Variants in CPVL observed in about 807,000 individuals in gnomAD.
The protein encoded by CPVL is carboxypeptidase vitellogenic like, also known as probable serine carboxypeptidase CPVL.
CPVL carries 51 observed loss-of-function variants against 63.7 expected under a neutral mutation model. The observed-to-expected ratio is 0.80, with a 90% confidence interval of 0.64 to 1.01. The LOEUF is 1.01. Ranked by LOEUF, CPVL falls within the 50% of genes least tolerant of loss-of-function variation. CPVL has a pLI of 0.00. For synonymous variants in CPVL, 195 were observed against 206.0 expected (o/e 0.95, Z 0.46); for missense variants, 530 against 573.1 (o/e 0.92, Z 0.77).
intron 12 of CPVL, among the ~76,000 whole-genome samples, chr7:29,006,960 G>A (rs1467146676): frequency 6.6e-6 from 1 of 151,954 alleles, no homozygotes; most frequent in African/African-American, 2.4e-5. Context: ...GTGAGTCTTT[G>A]GTTACACTTC....
chr7:29,078,318 C>T (rs930522398), intron 7 of CPVL, among the ~76,000 whole-genome samples: 1 of 152,126 alleles, frequency 6.6e-6, no homozygotes, highest in Non-Finnish European at 1.5e-5. Context: ...AGAAGATACT[C>T]CTTAAAAAAG....
In CPVL at chr7:29,112,719, C is replaced by T. The variant is rs1788373431; in HGVS notation, c.273G>A (p.Trp91Ter). 6.2e-7 allele frequency: 1 copy of T among 1,611,790 alleles called. No individual in the cohort carries two copies. The highest frequency in any genetic ancestry group is 8.5e-7 in the Non-Finnish European group (1 of 1,178,508). The change falls in exon 3 of 13, where the codon TGG (tryptophan) becomes TGA (stop). Residue 91 changes from tryptophan (W) to a stop codon, truncating the protein, a stop_gained. Transcript: ENST00000265394. LOFTEE classifies it high-confidence loss of function. Reference sequence around the variant, plus strand: ...GGGCACCTACCTGAGCTGGGAAGAACCAGAAGAAGAGGTTGCTGTTGTAAG... The same window carrying T: ...GGGCACCTACCTGAGCTGGGAAGAATCAGAAGAAGAGGTTGCTGTTGTAAG... Reference protein sequence around the residue: ...NKTYNSNLFFWFFPAQIQPED... With the variant: ...NKTYNSNLFF
intron 7 of CPVL, among the ~76,000 whole-genome samples, chr7:29,084,765 C>T (rs1275893528): frequency 6.6e-6 from 1 of 152,142 alleles, no homozygotes; most frequent in East Asian, 1.9e-4. Context: ...ATTCTTTTAA[C>T]TTTTAAACAC....
At chr7:29,016,491 C>T (rs1786426165) in intron 12 of CPVL, among the ~76,000 whole-genome samples, 1 of 152,166 alleles carries the variant, frequency 6.6e-6, no homozygotes, top group African/African-American at 2.4e-5. Context: ...CTTTCCAGAA[C>T]AGTCAAGCTT....
chr7:29,136,280 A>G (rs1791217312), intron 1 of CPVL, among the ~76,000 whole-genome samples: 1 of 152,248 alleles, frequency 6.6e-6, no homozygotes, highest in South Asian at 2.1e-4. Flanking sequence ...AGAAAATAGA[A>G]CAATCCAAAG....
rs1020987464 is a variant in CPVL, at chr7:29,049,270, T to C, written c.1137+14791A>G. ...AAAGATAAATAAAATTGATAGACCATTAGCAAGATTAACAAGAAGAGAGAA... is the reference window on the plus strand; with the variant it reads ...AAAGATAAATAAAATTGATAGACCACTAGCAAGATTAACAAGAAGAGAGAA... On this transcript the variant is annotated intron_variant, in intron 11 of 12. Coordinates refer to ENST00000265394, the MANE Select transcript of CPVL (RefSeq NM_031311.5). Among the ~76,000 whole-genome samples, 5 of 151,906 alleles carry C rather than the reference T, an allele frequency of 3.3e-5. No individual in the cohort carries two copies. In the South Asian group the frequency reaches 6.2e-4, roughly 19 times the overall value.
intron 11 of CPVL, among the ~76,000 whole-genome samples, chr7:29,063,644 C>A (rs1193730898): frequency 1.3e-5 from 2 of 152,110 alleles, no homozygotes; most frequent in Non-Finnish European, 2.9e-5. Context: ...GATCTTGGCT[C>A]ACTGCAACCT....
intron 5 of CPVL, among the ~76,000 whole-genome samples, chr7:29,093,456 T>TTCTTCC (rs2128607282): frequency 6.6e-6 from 1 of 152,216 alleles, no homozygotes; most frequent in Admixed American, 6.5e-5. Flanking sequence ...CCTCTTCTTC[T>TTCTTCC]TCTTCCTCCT....
At chr7:29,176,444 G>A (rs1274881632) in intron 5 of CPVL, among the ~76,000 whole-genome samples, 2 of 152,118 alleles carry the variant, frequency 1.3e-5, no homozygotes, top group African/African-American at 4.8e-5. Flanking sequence ...AGAACACAAT[G>A]GGTATGTCTT....
rs534795490 is a variant in CPVL at position 29,098,496 on chromosome 7, G to A, written c.289-2279C>T. Among the ~76,000 whole-genome samples the A allele has an allele frequency of 2.0e-4, 31 of 152,274 alleles. 1 individual carries two copies. The highest frequency in any genetic ancestry group is 1.2e-3 in the East Asian group (6 of 5,176). On this transcript the variant is annotated intron_variant, in intron 3 of 12. Transcript: ENST00000265394. Reference sequence around the variant, plus strand: ...TTAAGCAACATAATTAAAGCCCTTCGAACAATGCCTAATGTATGATAAAAG... The same window carrying A: ...TTAAGCAACATAATTAAAGCCCTTCAAACAATGCCTAATGTATGATAAAAG...
chr7:29,178,141 A>G lies in CPVL; in HGVS notation c.-11+3149T>C, dbSNP rs199515919. On this transcript the variant is annotated intron_variant, in intron 5 of 16. Coordinates refer to the CPVL transcript ENST00000409850. ...TCCACTGCTACTATCCTCTGTCCAC[A>G]CCATCAGCCTTTCTTTGAAACCACT... is the stretch of plus-strand genomic sequence containing the variant. 6.6e-5 allele frequency among the ~76,000 whole-genome samples: 10 copies of G among 152,190 alleles called. No individual in the cohort carries two copies. In the East Asian group the frequency reaches 1.9e-3, roughly 29 times the overall value.
intron 3 of CPVL, chr7:29,096,460 A>G (rs1441578134): frequency 1.5e-5 from 8 of 535,008 alleles, no homozygotes; most frequent in Admixed American, 6.1e-5. Flanking sequence ...TCTTTTCCCA[A>G]CAAGAGACAG....
intron 3 of CPVL, among the ~76,000 whole-genome samples, chr7:29,108,176 T>C (rs1180328325): frequency 1.3e-5 from 2 of 152,190 alleles, no homozygotes; most frequent in Non-Finnish European, 2.9e-5. Context: ...AATCTGGGCC[T>C]TTCCTCTTGG....
chr7:29,079,999 T>C (rs145045355), intron 7 of CPVL, among the ~76,000 whole-genome samples: 265 of 152,126 alleles, frequency 1.7e-3, no homozygotes, highest in African/African-American at 6.0e-3. Context: ...ATAGAAGCTG[T>C]GCACAATAGA....
exon 5 of CPVL, chr7:29,181,292 T>C (rs1314496681): frequency 6.6e-6 from 1 of 152,236 alleles, no homozygotes; most frequent in Non-Finnish European, 1.5e-5. Flanking sequence ...TTACTCACAT[T>C]GTAGTTTGAA....
intron 11 of CPVL, among the ~76,000 whole-genome samples, chr7:29,042,812 A>G (rs1192943394): frequency 6.6e-6 from 1 of 152,196 alleles, no homozygotes; most frequent in Non-Finnish European, 1.5e-5. Context: ...GAGAAATGCT[A>G]AACAGCCTGC....
chr7:29,092,349 T>C (rs1464819210), intron 6 of CPVL, among the ~76,000 whole-genome samples: 1 of 152,062 alleles, frequency 6.6e-6, no homozygotes, highest in Non-Finnish European at 1.5e-5. Context: ...AACAAATATC[T>C]GAAAAGATGT....
intron 3 of CPVL, among the ~76,000 whole-genome samples, chr7:29,098,734 A>AAAG (rs1786720599): frequency 6.6e-6 from 1 of 151,508 alleles, no homozygotes; most frequent in Admixed American, 6.6e-5. Flanking sequence ...CAAGTTGCCT[A>AAAG]AGCTCTCTGG....
upstream of CPVL, chr7:29,146,760 T>C: frequency 6.5e-7 from 1 of 1,549,298 alleles, no homozygotes; most frequent in South Asian, 1.2e-5. Flanking sequence ...GTTTGTCCCT[T>C]TGTTTTATTT....
Sources: allele counts gnomAD v4.1 joint callset (sites outside exome capture counted in the v4.1 genomes callset), GRCh38; gene constraint gnomAD v4.1.1; transcripts MANE v1.5; gene names NCBI Gene and HGNC (gene_info 2026-07-23, HGNC 2026-07-21).